Variants in CHST11 observed in about 807,000 individuals in gnomAD.
The protein encoded by CHST11 is C4S-1.
CHST11 carries 9 observed loss-of-function variants against 30.4 expected under a neutral mutation model. That is an observed-to-expected ratio of 0.30 (90% CI 0.18 to 0.52). The LOEUF (loss-of-function observed/expected upper bound fraction) is 0.52, where lower values mean the gene tolerates loss of function less well. Among genes scored for constraint, CHST11 ranks in the 20% least tolerant of loss-of-function variants. The probability of loss-of-function intolerance (pLI) is 0.97; values close to 1 mark genes in which losing one functional copy is unlikely to be tolerated. For synonymous variants in CHST11, 152 were observed against 187.8 expected (o/e 0.81, Z 1.56); for missense variants, 348 against 460.6 (o/e 0.76, Z 2.24).
chr12:104,642,467 C>T (rs1033162439), intron 2 of CHST11, among the ~76,000 whole-genome samples: 2 of 152,134 alleles, frequency 1.3e-5, no homozygotes, highest in Admixed American at 6.5e-5. Context: ...GTGGCGCAAT[C>T]GTGGCTTACT....
chr12:104,540,389 T>C (rs1380845173), intron 1 of CHST11, among the ~76,000 whole-genome samples: 1 of 152,214 alleles, frequency 6.6e-6, no homozygotes, highest in Admixed American at 6.5e-5. Flanking sequence ...TATTTTTAGC[T>C]AAGAACCATC....
At chr12:104,647,825 C>G (rs1406022460) in intron 2 of CHST11, among the ~76,000 whole-genome samples, 3 of 152,148 alleles carry the variant, frequency 2.0e-5, no homozygotes, top group Non-Finnish European at 4.4e-5. Flanking sequence ...GCTGGGGCTG[C>G]CATCATCTGA....
intron 2 of CHST11, among the ~76,000 whole-genome samples, chr12:104,650,577 T>C (rs1304018296): frequency 6.7e-6 from 1 of 149,524 alleles, no homozygotes; most frequent in South Asian, 2.1e-4. Flanking sequence ...GCGGGCACAG[T>C]GCGAGGGGGA....
chr12:104,589,136 A>G (rs2038833400), intron 1 of CHST11, among the ~76,000 whole-genome samples: 1 of 152,102 alleles, frequency 6.6e-6, no homozygotes, highest in South Asian at 2.1e-4. Flanking sequence ...TTGGTGGCTC[A>G]CATCTGTAAT....
chr12:104,614,611 T>C (rs143174734), intron 2 of CHST11, among the ~76,000 whole-genome samples: 1 of 152,112 alleles, frequency 6.6e-6, no homozygotes, highest in East Asian at 1.9e-4. Flanking sequence ...AGCATAGAGA[T>C]AGACCTAGAC....
chr12:104,715,275 G>A (rs887078134), intron 2 of CHST11, among the ~76,000 whole-genome samples: 8 of 152,114 alleles, frequency 5.3e-5, no homozygotes, highest in Admixed American at 1.3e-4. Context: ...TTGGGAGGCC[G>A]AGGCAGGAGA....
At chr12:104,525,728 A>G (rs552608933) in intron 1 of CHST11, among the ~76,000 whole-genome samples, 1 of 152,286 alleles carries the variant, frequency 6.6e-6, no homozygotes, top group East Asian at 1.9e-4. Context: ...GATAGTTAAC[A>G]AAAAAAGGAA....
At chr12:104,595,760 A>G (rs1248021343) in intron 1 of CHST11, among the ~76,000 whole-genome samples, 2 of 152,170 alleles carry the variant, frequency 1.3e-5, no homozygotes, top group Non-Finnish European at 2.9e-5. Flanking sequence ...CTTATAATAC[A>G]GGCATTATTA....
intron 1 of CHST11, among the ~76,000 whole-genome samples, chr12:104,521,367 A>G (rs865903921): frequency 6.6e-6 from 1 of 152,210 alleles, no homozygotes; most frequent in Middle Eastern, 3.4e-3. Flanking sequence ...GCGTTTTGGG[A>G]TTAAATCCCC....
chr12:104,555,872 C>G (rs1553839), intron 1 of CHST11, among the ~76,000 whole-genome samples: 95,966 of 152,220 alleles, frequency 0.63, 31,092 homozygotes, highest in East Asian at 0.98. Flanking sequence ...GCCCTGGGGG[C>G]GTCCAGCCCC....
chr12:104,513,953 G>A, intron 1 of CHST11: 1 of 570,730 alleles, frequency 1.8e-6, no homozygotes, highest in African/African-American at 1.9e-5. Context: ...CATTTTTAAA[G>A]AAGAGAGGGT....
chr12:104,481,491 A>G (rs1484414420), intron 1 of CHST11, among the ~76,000 whole-genome samples: 1 of 152,178 alleles, frequency 6.6e-6, no homozygotes, highest in East Asian at 1.9e-4. Flanking sequence ...AAGCCACTGA[A>G]AGAAATGGTT....
At chr12:104,629,916 T>C (rs2039255474) in intron 2 of CHST11, among the ~76,000 whole-genome samples, 1 of 152,198 alleles carries the variant, frequency 6.6e-6, no homozygotes, top group Non-Finnish European at 1.5e-5. Context: ...AATACCAACA[T>C]TAGCCTACAG....
At chr12:104,646,827 CTACT>C (rs1223335437) in intron 2 of CHST11, among the ~76,000 whole-genome samples, 1 of 152,240 alleles carries the variant, frequency 6.6e-6, no homozygotes, top group East Asian at 1.9e-4. Flanking sequence ...CTGATAAATA[CTACT>C]TATTCATTCA....
chr12:104,510,880 C>T (rs2037958738), intron 1 of CHST11, among the ~76,000 whole-genome samples: 1 of 151,552 alleles, frequency 6.6e-6, no homozygotes, highest in African/African-American at 2.4e-5. Context: ...ATAGCTTGTA[C>T]TTTGAGGAAT....
At chr12:104,622,838 ATTGCG>A (rs1374582527) in intron 2 of CHST11, among the ~76,000 whole-genome samples, 5 of 152,184 alleles carry the variant, frequency 3.3e-5, no homozygotes, top group Non-Finnish European at 5.9e-5. Context: ...AAAGTGTGTA[ATTGCG>A]TATTAGCAGC....
intron 1 of CHST11, among the ~76,000 whole-genome samples, chr12:104,509,167 TAGTG>T (rs1264062130): frequency 2.0e-5 from 3 of 152,218 alleles, no homozygotes; most frequent in Non-Finnish European, 4.4e-5. Flanking sequence ...GTTCTTGTGA[TAGTG>T]AGTAAGTCTT....
At chr12:104,487,470 C>T (rs900617694) in intron 1 of CHST11, among the ~76,000 whole-genome samples, 1 of 152,172 alleles carries the variant, frequency 6.6e-6, no homozygotes, top group Non-Finnish European at 1.5e-5. Context: ...GTATGTTGCC[C>T]CGGCTGGTCT....
chr12:104,680,107 C>G (rs1171860111), intron 2 of CHST11, among the ~76,000 whole-genome samples: 2 of 152,188 alleles, frequency 1.3e-5, no homozygotes, highest in East Asian at 3.9e-4. Flanking sequence ...GGGCTAGGCC[C>G]CAGGGATACA....
Sources: allele counts gnomAD v4.1 joint callset (sites outside exome capture counted in the v4.1 genomes callset), GRCh38; gene constraint gnomAD v4.1.1; transcripts MANE v1.5; gene names NCBI Gene and HGNC (gene_info 2026-07-23, HGNC 2026-07-21).